Variants in PAGE2B observed in about 807,000 individuals in gnomAD.
PAGE2B encodes the protein PAGE family member 2B.
Under a neutral mutation model 7.6 loss-of-function variants are expected in PAGE2B, and 5 were observed. The observed-to-expected ratio is 0.66, with a 90% confidence interval of 0.34 to 1.38. The LOEUF (loss-of-function observed/expected upper bound fraction) is 1.38. PAGE2B is among the 40% of genes most tolerant of loss of function. The pLI is 0.04. For synonymous variants in PAGE2B, 29 were observed against 26.7 expected, an observed-to-expected ratio of 1.09 and a Z score of -0.27; for missense variants, 70 against 78.4, an observed-to-expected ratio of 0.89 and a Z score of 0.41.
the PAGE2B span, among the ~76,000 whole-genome samples, chrX:55,034,518 A>G: frequency 4.5e-5 from 5 of 110,880 alleles, no homozygotes. Context: ...TAGGTATAAA[A>G]TTCCAAAGTC....
chrX:55,053,329 A>G, the PAGE2B span, among the ~76,000 whole-genome samples: 1 of 111,650 alleles, frequency 9.0e-6, no homozygotes, highest in Admixed American at 9.5e-5. Context: ...ATGAGAACAC[A>G]TGGACACAGG....
the PAGE2B span, among the ~76,000 whole-genome samples, chrX:55,036,470 A>G: frequency 7.7e-4 from 85 of 111,099 alleles, no homozygotes; most frequent in African/African-American, 2.5e-3. Context: ...TTTGAGATAC[A>G]TCCCATCAAT....
chrX:55,034,903 G>GC, the PAGE2B span, among the ~76,000 whole-genome samples: 7 of 110,374 alleles, frequency 6.3e-5, no homozygotes, highest in African/African-American at 2.3e-4. Context: ...GAGCAACGAA[G>GC]CCAGTCTGAG....
At chrX:55,042,680 A>AG in the PAGE2B span, among the ~76,000 whole-genome samples, 1 of 103,013 alleles carries the variant, frequency 9.7e-6, no homozygotes. Flanking sequence ...AAAAAAAAAA[A>AG]AAAAAAAGAA....
chrX:55,030,044 G>A, the PAGE2B span, among the ~76,000 whole-genome samples: 1 of 103,042 alleles, frequency 9.7e-6, no homozygotes, highest in Admixed American at 1.1e-4. Flanking sequence ...GAAACATCAG[G>A]CCTTACTTCT....
the PAGE2B span, among the ~76,000 whole-genome samples, chrX:55,069,476 T>C: frequency 1.8e-5 from 2 of 110,567 alleles, no homozygotes; most frequent in Non-Finnish European, 3.8e-5. Flanking sequence ...TCAATGTTCA[T>C]CAAGGATATT....
the PAGE2B span, among the ~76,000 whole-genome samples, chrX:55,062,455 A>C: frequency 1.2e-3 from 132 of 111,627 alleles, no homozygotes; most frequent in African/African-American, 4.1e-3. Context: ...GATTAGATTT[A>C]TTTCCTATAG....
the PAGE2B span, among the ~76,000 whole-genome samples, chrX:55,061,909 T>C: frequency 8.9e-6 from 1 of 111,761 alleles, no homozygotes; most frequent in Non-Finnish European, 1.9e-5. Flanking sequence ...CCATCCATGT[T>C]GCTGCAAATG....
At chrX:55,074,620 A>G (rs1275345535), upstream of PAGE2B, among the ~76,000 whole-genome samples, 1 of 112,426 alleles carries the variant, frequency 8.9e-6, no homozygotes, top group Non-Finnish European at 1.9e-5. Context: ...AATGTCTTAT[A>G]TTGGAATGGG....
At chrX:55,038,102 A>G in the PAGE2B span, among the ~76,000 whole-genome samples, 1 of 110,756 alleles carries the variant, frequency 9.0e-6, no homozygotes, top group African/African-American at 3.3e-5. Flanking sequence ...AAAACTGTCA[A>G]CAAATTCCAT....
chrX:55,041,753 C>T, the PAGE2B span, among the ~76,000 whole-genome samples: 2 of 111,422 alleles, frequency 1.8e-5, no homozygotes, highest in African/African-American at 3.3e-5. Context: ...GAGCGGCTGC[C>T]GTGGCGGTTC....
chrX:55,049,289 A>C, the PAGE2B span, among the ~76,000 whole-genome samples: 17 of 107,378 alleles, frequency 1.6e-4, no homozygotes, highest in African/African-American at 3.8e-4. Context: ...TGTCTCTGCC[A>C]GGCTTTGGTA....
At chrX:55,076,008 T>C in intron 1 of PAGE2B, 26 bp from the exon 2 acceptor site, 2 of 1,171,571 alleles carry the variant, frequency 1.7e-6, no homozygotes, top group Middle Eastern at 4.7e-4. Context: ...ATACACTTTT[T>C]CCAAATAACA....
the PAGE2B span, among the ~76,000 whole-genome samples, chrX:55,051,356 G>C: frequency 4.5e-5 from 5 of 111,390 alleles, no homozygotes; most frequent in African/African-American, 1.6e-4. Flanking sequence ...ATGTTGGCCT[G>C]CCTTGCTAGA....
At chrX:55,076,319 T>C (rs779413145) in intron 2 of PAGE2B, among the ~76,000 whole-genome samples, 194 bp downstream of exon 2, 2 of 107,277 alleles carry the variant, frequency 1.9e-5, no homozygotes, top group Admixed American at 1.0e-4. Context: ...TCTCTCTCTC[T>C]CTCTCTCTAT....
the PAGE2B span, among the ~76,000 whole-genome samples, chrX:55,043,411 G>A: frequency 3.6e-5 from 4 of 109,886 alleles, no homozygotes; most frequent in Admixed American, 9.7e-5. Flanking sequence ...AATCCACAGA[G>A]TGGGAGAAAA....
the PAGE2B span, among the ~76,000 whole-genome samples, chrX:55,049,370 C>T: frequency 1.4e-4 from 16 of 111,897 alleles, no homozygotes; most frequent in South Asian, 6.0e-3. Context: ...GGAATAGTTT[C>T]AGAAGGAATG....
the PAGE2B span, among the ~76,000 whole-genome samples, chrX:55,062,346 T>C: frequency 8.9e-6 from 1 of 111,969 alleles, no homozygotes; most frequent in Non-Finnish European, 1.9e-5. Context: ...TCTCTGATGA[T>C]CAATTATATT....
chrX:55,037,511 A>G, the PAGE2B span, among the ~76,000 whole-genome samples: 3 of 111,262 alleles, frequency 2.7e-5, no homozygotes, highest in African/African-American at 9.8e-5. Flanking sequence ...TCAGGGATCT[A>G]GAACTAGAAA....
Sources: allele counts gnomAD v4.1 joint callset (sites outside exome capture counted in the v4.1 genomes callset), GRCh38; gene constraint gnomAD v4.1.1; transcripts MANE v1.5; gene names NCBI Gene and HGNC (gene_info 2026-07-23, HGNC 2026-07-21).